CDH20: variants seen among roughly 807,000 people sequenced by gnomAD.
The protein encoded by CDH20 is cadherin-20.
Under a neutral mutation model 74.2 loss-of-function variants are expected in CDH20, and 29 were observed. That is an observed-to-expected ratio of 0.39 (90% CI 0.29 to 0.53). CDH20 has a LOEUF of 0.53. Ranked by LOEUF, CDH20 falls within the 20% of genes least tolerant of loss-of-function variation. The pLI is 0.69. For synonymous variants in CDH20, 469 were observed against 405.4 expected, an observed-to-expected ratio of 1.16 and a Z score of -1.88; for missense variants, 988 against 1,048.3, an observed-to-expected ratio of 0.94 and a Z score of 0.79.
At chr18:61,393,388 T>C (rs1255820727) in intron 1 of CDH20, among the ~76,000 whole-genome samples, 1 of 152,182 alleles carries the variant, frequency 6.6e-6, no homozygotes, top group Admixed American at 6.5e-5. Flanking sequence ...GAATTGTCAA[T>C]GTTTATCTGT....
chr18:61,426,904 G>C (rs965921333), intron 1 of CDH20, among the ~76,000 whole-genome samples: 5 of 152,120 alleles, frequency 3.3e-5, no homozygotes, highest in Non-Finnish European at 5.9e-5. Context: ...AGCCCTGAAC[G>C]AGGGAGCGTA....
chr18:61,364,489 T>C (rs1456996311), intron 1 of CDH20, among the ~76,000 whole-genome samples: 1 of 152,140 alleles, frequency 6.6e-6, no homozygotes, highest in Non-Finnish European at 1.5e-5. Flanking sequence ...ACTTTGTATT[T>C]TTAGTAGAGA....
At chr18:61,549,957 T>C (rs368217979) in intron 10 of CDH20, 21 bp from the exon 11 acceptor site, 1 of 1,603,526 alleles carries the variant, frequency 6.2e-7, no homozygotes, top group Non-Finnish European at 8.5e-7. Context: ...TTTCCAATCC[T>C]GGAACCCCTC....
intron 1 of CDH20, among the ~76,000 whole-genome samples, chr18:61,439,405 G>A (rs1203011969): frequency 6.6e-6 from 1 of 152,042 alleles, no homozygotes; most frequent in Non-Finnish European, 1.5e-5. Flanking sequence ...GGAAAGACCT[G>A]TCAATGAAAG....
Position 61,499,476 on chromosome 18 carries a change from T to A in CDH20, c.537T>A (p.Pro179=), listed in dbSNP as rs1441602350. 6.2e-7 allele frequency: 1 copy of A among 1,602,000 alleles called. No homozygotes were observed. The highest frequency in any genetic ancestry group is 2.2e-5 in the East Asian group (1 of 44,688). ...TGGCCACTGTGCCAGAAATGTCCCC[T>A]GTGGGTAAGGTGGTGACTCGCTGAT... ...PYVATVPEMS[P]VGTSVIQVTA... Residue 179 remains proline (P), a synonymous_variant, in exon 3 of 12, where the codon CCT becomes CCA. Transcript: ENST00000262717.
chr18:61,500,453 G>A lies in CDH20; in HGVS notation c.612G>A (p.Val204=), dbSNP rs762641363. The change falls in exon 4 of 12, where the codon GTG becomes GTA. Residue 204 remains valine, a synonymous_variant. Coordinates refer to ENST00000262717, the MANE Select transcript of CDH20 (RefSeq NM_031891.4). ...CCTACGGCAACAGTGCCAGGGTGGT[G>A]TACAGCATTCTTCAGGGCCAGCCAT... ...DPTYGNSARV[V]YSILQGQPYF... is the part of the protein sequence containing the mutation. The A allele has an allele frequency of 2.0e-5, 32 of 1,612,864 alleles. No individual in the cohort carries two copies. The highest frequency in any genetic ancestry group is 2.7e-5 in the Non-Finnish European group (32 of 1,179,258).
chr18:61,345,503 AT>A (rs1280447408), intron 1 of CDH20, among the ~76,000 whole-genome samples: 1 of 152,228 alleles, frequency 6.6e-6, no homozygotes, highest in Non-Finnish European at 1.5e-5. Flanking sequence ...CATGTCTAAA[AT>A]AACTGCCTCG....
intron 1 of CDH20, among the ~76,000 whole-genome samples, chr18:61,462,807 G>A (rs7238757): frequency 0.021 from 3,254 of 151,776 alleles, 114 homozygotes; most frequent in African/African-American, 0.073. Flanking sequence ...AAGTTTTCTG[G>A]TAACACACCT....
intron 1 of CDH20, among the ~76,000 whole-genome samples, chr18:61,386,668 C>A (rs1911610087): frequency 6.6e-6 from 1 of 152,062 alleles, no homozygotes; most frequent in African/African-American, 2.4e-5. Flanking sequence ...TGAAACCAGC[C>A]TAGCTATTGA....
intron 1 of CDH20, among the ~76,000 whole-genome samples, chr18:61,458,882 G>A (rs996999634): frequency 9.9e-5 from 15 of 152,202 alleles, no homozygotes; most frequent in Non-Finnish European, 2.2e-4. Flanking sequence ...TCCATGGGGA[G>A]CTGGAGTTGG....
At chr18:61,390,185 C>G (rs1361810082) in intron 1 of CDH20, among the ~76,000 whole-genome samples, 3 of 151,698 alleles carry the variant, frequency 2.0e-5, no homozygotes, top group African/African-American at 7.3e-5. Flanking sequence ...TCCCAGTACT[C>G]GAAACAGCAC....
intron 1 of CDH20, among the ~76,000 whole-genome samples, chr18:61,441,590 A>G (rs886798346): frequency 6.6e-6 from 1 of 152,146 alleles, no homozygotes; most frequent in African/African-American, 2.4e-5. Context: ...GAAAAAAATG[A>G]ATAGTTTTGT....
At chr18:61,334,982 C>T (rs930661313) in intron 1 of CDH20, among the ~76,000 whole-genome samples, 1 of 152,078 alleles carries the variant, frequency 6.6e-6, no homozygotes, top group African/African-American at 2.4e-5. Flanking sequence ...TGTCTTTCCA[C>T]CAAAGGAAAT....
chr18:61,376,347 A>C (rs1007702598), intron 1 of CDH20, among the ~76,000 whole-genome samples: 4 of 152,146 alleles, frequency 2.6e-5, no homozygotes, highest in Non-Finnish European at 4.4e-5. Flanking sequence ...TTGATACAAA[A>C]TTTACCTATC....
At chr18:61,350,129 T>C (rs1159993240) in intron 1 of CDH20, among the ~76,000 whole-genome samples, 1 of 151,998 alleles carries the variant, frequency 6.6e-6, no homozygotes, top group African/African-American at 2.4e-5. Context: ...CTAGGTCCCC[T>C]CTCTCCCTGC....
chr18:61,534,793 G>A (rs762563026), intron 7 of CDH20, among the ~76,000 whole-genome samples: 2 of 152,160 alleles, frequency 1.3e-5, no homozygotes, highest in Non-Finnish European at 2.9e-5. Flanking sequence ...GGGGTAGTAA[G>A]TTCCTGTGAT....
chr18:61,513,003 T>A (rs1911842251), intron 6 of CDH20, among the ~76,000 whole-genome samples: 1 of 152,114 alleles, frequency 6.6e-6, no homozygotes, highest in African/African-American at 2.4e-5. Context: ...GAGAGTTCTG[T>A]AGATGTCTAT....
In CDH20 at chr18:61,554,534, A is replaced by C. The variant is rs142550948; in HGVS notation, c.2245A>C (p.Met749Leu). 1.2e-6 allele frequency: 2 copies of C among 1,612,886 alleles called. No homozygotes were observed. Among genetic ancestry groups the C allele is most frequent in the Non-Finnish European group, 1.7e-6 (2 of 1,179,886 alleles). ...GCCCTTCGACTCCCTCCAGACGTAT[A>C]TGTTCGAGGGGGACGGCTCTGTGGC... The part of the protein sequence containing the change: ...APPFDSLQTY[M>L]FEGDGSVAGS... Residue 749 changes from methionine (M) to leucine (L), a missense_variant, in exon 12 of 12, where the codon ATG becomes CTG. Met to Leu is a conservative substitution (Grantham distance 15). This residue lies in a region of CDH20 where 375 missense variants were observed against 293.1 expected (regional missense o/e 1.28). Coordinates refer to ENST00000262717, the MANE Select transcript of CDH20 (RefSeq NM_031891.4).
chr18:61,518,672 AC>A (rs1912089460), intron 6 of CDH20, among the ~76,000 whole-genome samples: 1 of 151,402 alleles, frequency 6.6e-6, no homozygotes, highest in Non-Finnish European at 1.5e-5. Context: ...AAAAAACAGC[AC>A]AAAAAGGCTG....
Sources: gnomAD v4.1 joint callset for allele counts (sites outside exome capture counted in the v4.1 genomes callset) on GRCh38, gnomAD v4.1.1 for gene constraint, gnomAD v4.1.1 regional missense constraint, MANE v1.5 for transcripts, NCBI Gene and HGNC (gene_info 2026-07-23, HGNC 2026-07-21) for gene names.